RBM47: variants seen among roughly 807,000 people sequenced by gnomAD.
RBM47 encodes RNA binding motif protein 47, also known as RNA-binding protein 47.
In RBM47, 21 loss-of-function variants were observed where a neutral mutation model predicts 47.1. That is an observed-to-expected ratio of 0.45 (90% CI 0.32 to 0.64). RBM47 has a LOEUF of 0.64. Ranked by LOEUF, RBM47 falls within the 30% of genes least tolerant of loss-of-function variation. The pLI is 0.05. For synonymous variants in RBM47, 375 were observed against 361.7 expected (o/e 1.04, Z -0.42); for missense variants, 708 against 870.9 (o/e 0.81, Z 2.35).
At chr4:40,490,205 T>C (rs532300552) in intron 2 of RBM47, among the ~76,000 whole-genome samples, 2 of 151,864 alleles carry the variant, frequency 1.3e-5, no homozygotes, top group African/African-American at 4.8e-5. Context: ...GCTCTCCCCA[T>C]GAAGAACAGC....
At chr4:40,594,895 G>C (rs554476070) in intron 1 of RBM47, among the ~76,000 whole-genome samples, 11 of 152,186 alleles carry the variant, frequency 7.2e-5, no homozygotes, top group African/African-American at 2.2e-4. Flanking sequence ...GCTCCTTTAA[G>C]AGCACCTCGA....
intron 3 of RBM47, among the ~76,000 whole-genome samples, chr4:40,440,604 T>C (rs1013074493): frequency 2.0e-5 from 3 of 152,154 alleles, no homozygotes; most frequent in African/African-American, 4.8e-5. Context: ...AATAGTCCTT[T>C]TGTGGTTAAT....
rs16852312 is a variant in RBM47 at position 40,548,357 on chromosome 4, C to T, written c.-239-3851G>A. ...AGACGGGCAGGGGAGAGCAACAGGACGTGCCGCTGCCAAGGCAAGGAACCA... is the reference window on the plus strand; with the variant it reads ...AGACGGGCAGGGGAGAGCAACAGGATGTGCCGCTGCCAAGGCAAGGAACCA... On this transcript the variant is annotated intron_variant, in intron 1 of 6. Transcript: ENST00000295971. Among the ~76,000 whole-genome samples the T allele has an allele frequency of 6.5e-3, 985 of 152,300 alleles. 10 individuals are homozygous for T. Among genetic ancestry groups the T allele is most frequent in the African/African-American group, 0.023 (936 of 41,552 alleles).
chr4:40,619,930 T>C (rs551829831), intron 1 of RBM47, among the ~76,000 whole-genome samples: 2 of 152,204 alleles, frequency 1.3e-5, no homozygotes, highest in African/African-American at 2.4e-5. Context: ...AAACACGGTG[T>C]CTCACGCCTG....
chr4:40,460,332 C>T (rs954693892), intron 3 of RBM47, among the ~76,000 whole-genome samples: 7 of 152,074 alleles, frequency 4.6e-5, no homozygotes, highest in African/African-American at 1.7e-4. Flanking sequence ...TAAATGAGGC[C>T]TGCCCATGAA....
intron 1 of RBM47, among the ~76,000 whole-genome samples, chr4:40,573,831 G>GAAAGAAAGAAAA (rs1732027951): frequency 6.6e-6 from 1 of 151,412 alleles, no homozygotes; most frequent in Non-Finnish European, 1.5e-5. Context: ...AAGAAAGAAA[G>GAAAGAAAGAAAA]AAAGAGAAAG....
At chr4:40,616,227 G>T (rs1197736396) in intron 1 of RBM47, among the ~76,000 whole-genome samples, 1 of 151,968 alleles carries the variant, frequency 6.6e-6, no homozygotes, top group Non-Finnish European at 1.5e-5. Flanking sequence ...GGTGGCGGGC[G>T]CCTGTAGTCC....
chr4:40,529,617 C>T (rs372334714), intron 2 of RBM47, among the ~76,000 whole-genome samples: 5 of 149,490 alleles, frequency 3.3e-5, no homozygotes, highest in Non-Finnish European at 5.9e-5. Context: ...GCAGATCACC[C>T]GAAGAGCTCG....
intron 2 of RBM47, among the ~76,000 whole-genome samples, chr4:40,517,833 T>C (rs1177941332): frequency 2.0e-5 from 3 of 152,160 alleles, no homozygotes. Flanking sequence ...AGCATTTCCA[T>C]TGGATTAGGT....
Position 40,512,413 on chromosome 4 carries a change from CAAAA to C in RBM47, c.-155+32005_-155+32008del, listed in dbSNP as rs33930819. On this transcript the variant is annotated intron_variant, in intron 2 of 6. Coordinates refer to ENST00000295971, the MANE Select transcript of RBM47 (RefSeq NM_001098634.2). ...TGGGTGACAGAACGAAACTCCATCT[CAAAA>C]AAAAAAAAAAAAAAAAGGCCGGGTG... Among the ~76,000 whole-genome samples, 427 of 56,134 alleles carry C rather than the reference CAAAA, an allele frequency of 7.6e-3. 2 individuals carry two copies. Among genetic ancestry groups the C allele is most frequent in the African/African-American group, 0.032 (403 of 12,696 alleles). The allele number at this position is 56,134 out of a possible 152,430, so 36.8% of individuals were successfully genotyped here.
chr4:40,549,217 G>A (rs925726932), intron 1 of RBM47, among the ~76,000 whole-genome samples: 59 of 150,032 alleles, frequency 3.9e-4, no homozygotes, highest in African/African-American at 1.2e-3. Context: ...TCAGCCTCCC[G>A]AATAGCTGGA....
At chr4:40,613,009 G>A (rs1736388087) in intron 1 of RBM47, among the ~76,000 whole-genome samples, 1 of 152,114 alleles carries the variant, frequency 6.6e-6, no homozygotes, top group Admixed American at 6.5e-5. Flanking sequence ...TGACTAAAAG[G>A]TTTCTTCAAA....
At chr4:40,542,409 G>C (rs1451774098) in intron 2 of RBM47, 2 of 152,204 alleles carry the variant, frequency 1.3e-5, no homozygotes, top group African/African-American at 4.8e-5. Flanking sequence ...ATCCCCCTCT[G>C]CCTATCCTCC....
At position 40,473,618 on chromosome 4, in the gene RBM47, C is replaced by T. The variant is rs371673033; in HGVS notation, c.-154-6919G>A. Among the ~76,000 whole-genome samples the T allele has an allele frequency of 5.9e-5, 9 of 152,196 alleles. No individual in the cohort carries two copies. In the South Asian group the frequency reaches 8.3e-4, roughly 14 times the overall value. On this transcript the variant is annotated intron_variant, in intron 2 of 6. Coordinates refer to ENST00000295971, the MANE Select transcript of RBM47 (RefSeq NM_001098634.2). ...GATAGGAGTTCAACTTTTTGGGTGA[C>T]GAATAGAGAATATCAGATAGGCATA...
chr4:40,473,987 T>C (rs986268473), intron 2 of RBM47, among the ~76,000 whole-genome samples: 1 of 152,170 alleles, frequency 6.6e-6, no homozygotes, highest in African/African-American at 2.4e-5. Flanking sequence ...CACTCCGTCT[T>C]TGTGCACTGA....
At chr4:40,432,033 T>C (rs1385025189) in intron 6 of RBM47, among the ~76,000 whole-genome samples, 1 of 138,474 alleles carries the variant, frequency 7.2e-6, no homozygotes, top group Non-Finnish European at 1.6e-5. Context: ...AAAAAAAAAA[T>C]TGTAGAGACA....
chr4:40,539,032 T>C (rs1728246000), intron 2 of RBM47, among the ~76,000 whole-genome samples: 1 of 152,222 alleles, frequency 6.6e-6, no homozygotes, highest in Admixed American at 6.5e-5. Flanking sequence ...ACACACTTGT[T>C]CCAGTATCTT....
intron 1 of RBM47, 51 bp from the exon 2 acceptor site, chr4:40,544,557 G>A (rs1728837244): frequency 6.6e-6 from 1 of 152,200 alleles, no homozygotes; most frequent in African/African-American, 2.4e-5. Context: ...GTATTGAGAA[G>A]TCCAAAGTTA....
intron 1 of RBM47, among the ~76,000 whole-genome samples, chr4:40,608,535 A>G (rs958752330): frequency 1.3e-5 from 2 of 152,234 alleles, no homozygotes; most frequent in African/African-American, 2.4e-5. Flanking sequence ...CCCAATCCAT[A>G]TCGAGTATTA....
Sources: gnomAD v4.1 joint callset for allele counts (sites outside exome capture counted in the v4.1 genomes callset) on GRCh38, gnomAD v4.1.1 for gene constraint, MANE v1.5 for transcripts, NCBI Gene and HGNC (gene_info 2026-07-23, HGNC 2026-07-21) for gene names.